CPEB1: variants seen among roughly 807,000 people sequenced by gnomAD.
CPEB1 encodes the protein cytoplasmic polyadenylation element-binding protein 1.
In CPEB1, 7 loss-of-function variants were observed where a neutral mutation model predicts 65.8. The observed-to-expected ratio is 0.11, with a 90% CI of 0.06 to 0.20. The LOEUF (loss-of-function observed/expected upper bound fraction) is 0.20. Ranked by LOEUF, CPEB1 falls within the 10% of genes least tolerant of loss-of-function variation. CPEB1 has a pLI of 1.00. For synonymous variants in CPEB1, 262 were observed against 260.0 expected (o/e 1.01, Z -0.08); for missense variants, 551 against 712.2 (o/e 0.77, Z 2.58).
At chr15:82,642,824 G>C (rs985088187) in intron 1 of CPEB1, among the ~76,000 whole-genome samples, 15 of 152,076 alleles carry the variant, frequency 9.9e-5, no homozygotes, top group Non-Finnish European at 2.1e-4. Context: ...AAAATAATTT[G>C]TTATTTGATC....
intron 3 of CPEB1, among the ~76,000 whole-genome samples, chr15:82,592,991 C>T (rs371701795): frequency 3.3e-5 from 5 of 151,920 alleles, no homozygotes; most frequent in African/African-American, 7.3e-5. Context: ...AGCGATACTC[C>T]GTCTCAAAAA....
At position 82,552,471 on chromosome 15, in the gene CPEB1, C is replaced by T; in HGVS notation, c.1281+9G>A. 4 of 1,555,754 alleles carry T rather than the reference C, an allele frequency of 2.6e-6. No homozygotes were observed. In the African/African-American group the frequency reaches 4.1e-5, roughly 16 times the overall value. Reference sequence around the variant, plus strand: ...CCCTCGATCCAGAAAGGACATCACGCTAACTCACCTCCTTGCAGCGCATCC... The same window carrying T: ...CCCTCGATCCAGAAAGGACATCACGTTAACTCACCTCCTTGCAGCGCATCC... On this transcript the variant is annotated intron_variant, in intron 9 of 12. Coordinates refer to ENST00000684509, the MANE Select transcript of CPEB1 (RefSeq NM_001365242.1).
rs1043814963 is a variant in CPEB1, at chr15:82,636,504, C to T, written c.-97-7948G>A. 5.3e-4 allele frequency among the ~76,000 whole-genome samples: 80 copies of T among 152,156 alleles called. 1 individual carries two copies. The highest frequency in any genetic ancestry group is 1.8e-3 in the African/African-American group (76 of 41,430). ...TCCAATGTTCTTTTTGCTCTCTTAA[C>T]TCAGTGTGGAAGAGGAAATACTACA... On this transcript the variant is annotated intron_variant, in intron 1 of 12. Coordinates refer to ENST00000684509, the MANE Select transcript of CPEB1 (RefSeq NM_001365242.1).
intron 3 of CPEB1, among the ~76,000 whole-genome samples, chr15:82,587,611 C>T (rs1181912880): frequency 1.3e-5 from 2 of 152,024 alleles, no homozygotes; most frequent in Non-Finnish European, 2.9e-5. Context: ...GGTAGTAGCA[C>T]GTATGAATCT....
intron 8 of CPEB1, among the ~76,000 whole-genome samples, chr15:82,553,213 T>C (rs1422247803): frequency 2.0e-5 from 3 of 152,118 alleles, no homozygotes; most frequent in African/African-American, 7.2e-5. Context: ...TAGAGAGAAG[T>C]GTACAAGGAA....
intron 1 of CPEB1, chr15:82,640,733 C>T (rs1415602357): frequency 1.3e-5 from 2 of 152,074 alleles, no homozygotes. Context: ...AGAGCTCAAT[C>T]TAAAACTTGG....
At chr15:82,560,675 G>A (rs1016631333) in intron 4 of CPEB1, among the ~76,000 whole-genome samples, 2 of 151,274 alleles carry the variant, frequency 1.3e-5, no homozygotes, top group Non-Finnish European at 3.0e-5. Context: ...TTACAGGCAT[G>A]AGCCACTGCA....
At chr15:82,637,920 TAACCATTAAAA>T (rs1280081206) in intron 1 of CPEB1, 1 of 434,918 alleles carries the variant, frequency 2.3e-6, no homozygotes, top group African/African-American at 2.0e-5. Context: ...GTAGATTTAT[TAACCATTAAAA>T]AAACCTATTA....
intron 3 of CPEB1, among the ~76,000 whole-genome samples, chr15:82,617,722 A>C (rs2044860431): frequency 6.8e-6 from 1 of 146,274 alleles, no homozygotes; most frequent in South Asian, 2.2e-4. Flanking sequence ...AATTCTATTA[A>C]AGTTTTTTTT....
chr15:82,553,791 A>G, intron 7 of CPEB1, 87 bp downstream of exon 7: 2 of 974,064 alleles, frequency 2.1e-6, no homozygotes, highest in Admixed American at 2.0e-5. Context: ...CAGGGCATTC[A>G]GCCCCTGGCC....
chr15:82,623,415 C>T (rs1447367782), intron 3 of CPEB1, among the ~76,000 whole-genome samples: 2 of 152,206 alleles, frequency 1.3e-5, no homozygotes, highest in South Asian at 2.1e-4. Context: ...CGGTGGCTCA[C>T]GCCTGTAATC....
intron 3 of CPEB1, among the ~76,000 whole-genome samples, chr15:82,602,865 TA>T (rs1218150581): frequency 6.6e-6 from 1 of 151,638 alleles, no homozygotes; most frequent in Non-Finnish European, 1.5e-5. Context: ...TAAATAAAAA[TA>T]AATAAAATAA....
At chr15:82,641,314 G>T (rs1026325025) in intron 1 of CPEB1, among the ~76,000 whole-genome samples, 1 of 152,180 alleles carries the variant, frequency 6.6e-6, no homozygotes, top group African/African-American at 2.4e-5. Flanking sequence ...GTCAGGGCCA[G>T]AACCCAGGAG....
chr15:82,589,058 A>G (rs2042019180), intron 3 of CPEB1, among the ~76,000 whole-genome samples: 1 of 152,174 alleles, frequency 6.6e-6, no homozygotes, highest in South Asian at 2.1e-4. Flanking sequence ...AATTTACACA[A>G]AATCTGTCCA....
In CPEB1 at chr15:82,544,531, A is replaced by G. The variant is rs2150903811; in HGVS notation, c.*61T>C. 2.3e-6 allele frequency: 3 copies of G among 1,301,768 alleles called. No individual in the cohort carries two copies. Among genetic ancestry groups the G allele is most frequent in the Non-Finnish European group, 3.3e-6 (3 of 915,220 alleles). 80.6% of individuals were successfully genotyped at this position (1,301,768 alleles called of 1,614,324 possible). ...CTGGTCGCCAGTGGCAGGGTGGTGC[A>G]GGCTGCTTGCCTGACCTGCCAGCTT... On this transcript the variant is annotated 3_prime_UTR_variant, in exon 13 of 13. Coordinates refer to ENST00000684509, the MANE Select transcript of CPEB1 (RefSeq NM_001365242.1).
At chr15:82,641,642 G>A (rs540433320) in intron 1 of CPEB1, 1 of 152,134 alleles carries the variant, frequency 6.6e-6, no homozygotes, top group East Asian at 1.9e-4. Context: ...CCTGCCCTCT[G>A]GGGATTCTCC....
chr15:82,647,663 C>A (rs1206971802), upstream of CPEB1: 1 of 380,524 alleles, frequency 2.6e-6, no homozygotes, highest in Admixed American at 4.8e-5. Flanking sequence ...CACGAGGAGG[C>A]TCCCTGCCCC....
Position 82,543,227 on chromosome 15 carries a change from C to T in CPEB1, c.*1365G>A, listed in dbSNP as rs2034571185. 1 of 152,280 alleles carries T rather than the reference C, an allele frequency of 6.6e-6. No individual in the cohort carries two copies. The highest frequency in any genetic ancestry group is 1.5e-5 in the Non-Finnish European group (1 of 67,964). The allele number at this position is 152,280 out of a possible 1,614,324, so 9.4% of individuals were successfully genotyped here. ...CTGCTGCAACGTGTTTATTATGTGCCAAAAAAACTACACCACAGCTTACTC... is the reference window on the plus strand; with the variant it reads ...CTGCTGCAACGTGTTTATTATGTGCTAAAAAAACTACACCACAGCTTACTC... On this transcript the variant is annotated 3_prime_UTR_variant, in exon 13 of 13. Coordinates refer to ENST00000684509, the MANE Select transcript of CPEB1 (RefSeq NM_001365242.1).
chr15:82,634,752 T>G (rs991741845), intron 1 of CPEB1, among the ~76,000 whole-genome samples: 1 of 130,446 alleles, frequency 7.7e-6, no homozygotes, highest in Non-Finnish European at 1.6e-5. Flanking sequence ...GCATTGGTCT[T>G]GAACATTTAG....
Sources: allele counts gnomAD v4.1 joint callset (sites outside exome capture counted in the v4.1 genomes callset), GRCh38; gene constraint gnomAD v4.1.1; transcripts MANE v1.5; gene names NCBI Gene and HGNC (gene_info 2026-07-23, HGNC 2026-07-21).